The following NALF1 variants were observed in gnomAD, a reference collection of about 807,000 sequenced individuals.
The protein encoded by NALF1 is NALCN channel auxiliary factor 1.
Under a neutral mutation model 48.4 loss-of-function variants are expected in NALF1, and 3 were observed. The ratio of observed to expected loss-of-function variants is 0.06; its 90% confidence interval spans 0.03 to 0.16. The LOEUF is 0.16. Ranked by LOEUF, NALF1 falls within the 10% of genes least tolerant of loss-of-function variation. The probability of loss-of-function intolerance (pLI) is 1.00; values close to 1 mark genes in which losing one functional copy is unlikely to be tolerated. For missense variants in NALF1, 526 were observed against 571.5 expected (o/e 0.92, Z 0.81); for synonymous variants, 262 against 245.7 (o/e 1.07, Z -0.62).
chr13:107,687,037 C>T (rs745968933), intron 1 of NALF1, among the ~76,000 whole-genome samples: 4 of 152,148 alleles, frequency 2.6e-5, no homozygotes, highest in Non-Finnish European at 5.9e-5. Context: ...ATAACAAGAT[C>T]ACGGAATCAA....
At chr13:107,501,080 T>G (rs1424522280) in intron 1 of NALF1, among the ~76,000 whole-genome samples, 2 of 151,802 alleles carry the variant, frequency 1.3e-5, no homozygotes, top group Admixed American at 6.6e-5. Context: ...TGTGCACATG[T>G]ACCCTAAAAC....
rs899110285 is a variant in NALF1, at chr13:107,328,170, G to A, written c.916-117415C>T. Among the ~76,000 whole-genome samples the A allele has an allele frequency of 6.6e-5, 10 of 151,688 alleles. No individual in the cohort carries two copies. The South Asian group carries it at 8.3e-4, about 13-fold the overall frequency. On this transcript the variant is annotated intron_variant, in intron 1 of 2. Coordinates refer to ENST00000375915, the MANE Select transcript of NALF1 (RefSeq NM_001080396.3). ...TGAGCTCAAGGGATCTACCCACCTCGACCTCCCAAAGTGCTGGGATTACAG... is the reference window on the plus strand; with the variant it reads ...TGAGCTCAAGGGATCTACCCACCTCAACCTCCCAAAGTGCTGGGATTACAG...
At chr13:107,630,529 G>A (rs1879808566) in intron 1 of NALF1, among the ~76,000 whole-genome samples, 1 of 152,032 alleles carries the variant, frequency 6.6e-6, no homozygotes, top group South Asian at 2.1e-4. Context: ...GCCCCTAAAA[G>A]CAGAAATACT....
intron 1 of NALF1, among the ~76,000 whole-genome samples, chr13:107,834,303 G>A (rs1362972671): frequency 6.6e-6 from 1 of 152,072 alleles, no homozygotes; most frequent in Non-Finnish European, 1.5e-5. Context: ...GGACAACTGT[G>A]GTCAATTAGA....
At chr13:107,559,549 G>A (rs563387357) in intron 1 of NALF1, among the ~76,000 whole-genome samples, 1 of 152,266 alleles carries the variant, frequency 6.6e-6, no homozygotes, top group African/African-American at 2.4e-5. Flanking sequence ...GAGGAGGCAT[G>A]CGGTCTGCAG....
At chr13:107,811,956 G>A (rs986013360) in intron 1 of NALF1, among the ~76,000 whole-genome samples, 1 of 152,166 alleles carries the variant, frequency 6.6e-6, no homozygotes, top group Admixed American at 6.5e-5. Flanking sequence ...TTATTGATAT[G>A]CAGGGAAGTT....
At chr13:107,669,814 A>G (rs1451231230) in intron 1 of NALF1, among the ~76,000 whole-genome samples, 3 of 152,082 alleles carry the variant, frequency 2.0e-5, no homozygotes, top group Admixed American at 6.6e-5. Flanking sequence ...AACAAATGCA[A>G]CTGCCTAGAG....
chr13:107,463,701 T>C (rs1252438468), intron 1 of NALF1, among the ~76,000 whole-genome samples: 1 of 152,188 alleles, frequency 6.6e-6, no homozygotes, highest in Non-Finnish European at 1.5e-5. Flanking sequence ...GGACAGGTGT[T>C]TGTGGAGAGC....
chr13:107,400,442 G>A (rs983153764), intron 1 of NALF1, among the ~76,000 whole-genome samples: 10 of 152,176 alleles, frequency 6.6e-5, no homozygotes, highest in East Asian at 3.9e-4. Flanking sequence ...AAGGGTGGGC[G>A]TGATGGTTCA....
intron 1 of NALF1, among the ~76,000 whole-genome samples, chr13:107,480,261 T>C (rs1464439959): frequency 6.6e-6 from 1 of 152,170 alleles, no homozygotes; most frequent in Non-Finnish European, 1.5e-5. Flanking sequence ...AGGAGCTGAA[T>C]TGTGAAACTT....
chr13:107,693,422 G>A (rs1881618636), intron 1 of NALF1, among the ~76,000 whole-genome samples: 2 of 152,008 alleles, frequency 1.3e-5, no homozygotes, highest in Non-Finnish European at 2.9e-5. Context: ...GTATACTTAT[G>A]TAACAAACCT....
intron 1 of NALF1, among the ~76,000 whole-genome samples, chr13:107,558,930 G>A (rs1382338361): frequency 1.3e-5 from 2 of 152,112 alleles, no homozygotes; most frequent in African/African-American, 2.4e-5. Context: ...ACTCAGACTG[G>A]GACCACACCC....
intron 1 of NALF1, among the ~76,000 whole-genome samples, chr13:107,513,014 C>T (rs902241422): frequency 1.3e-5 from 2 of 152,148 alleles, no homozygotes; most frequent in Non-Finnish European, 2.9e-5. Context: ...TTACAATAGA[C>T]ATCAAAACAG....
At chr13:107,645,897 C>T (rs1441105240) in intron 1 of NALF1, among the ~76,000 whole-genome samples, 1 of 152,046 alleles carries the variant, frequency 6.6e-6, no homozygotes, top group East Asian at 1.9e-4. Flanking sequence ...GGTTTTTGCT[C>T]CCAAACTCCA....
chr13:107,373,899 T>C (rs1480948673), intron 1 of NALF1, among the ~76,000 whole-genome samples: 1 of 152,184 alleles, frequency 6.6e-6, no homozygotes, highest in Admixed American at 6.6e-5. Flanking sequence ...GTTACATTCA[T>C]TGAAAAAATT....
At chr13:107,312,350 C>G (rs1351667942) in intron 1 of NALF1, among the ~76,000 whole-genome samples, 1 of 151,846 alleles carries the variant, frequency 6.6e-6, no homozygotes, top group African/African-American at 2.4e-5. Context: ...CATGTTCTCA[C>G]TCATAGGTGG....
At chr13:107,759,919 C>A (rs1258238321) in intron 1 of NALF1, among the ~76,000 whole-genome samples, 1 of 151,994 alleles carries the variant, frequency 6.6e-6, no homozygotes, top group Non-Finnish European at 1.5e-5. Flanking sequence ...CTTCAGGGTA[C>A]GTGAAACCAG....
chr13:107,672,172 T>C (rs1204174514), intron 1 of NALF1, among the ~76,000 whole-genome samples: 1 of 152,190 alleles, frequency 6.6e-6, no homozygotes, highest in Non-Finnish European at 1.5e-5. Flanking sequence ...CTATGAAGCA[T>C]CTTTAAGCCT....
rs1027233256 is a variant in NALF1 at position 107,866,728 on chromosome 13, T to C, written c.-132A>G. ...CCGTTTCTTCTCTCTCCTCTCTCTC[T>C]TTCTCTCTCTTCCCCTCTCCCTCTC... On this transcript the variant is annotated 5_prime_UTR_variant, in exon 1 of 3. Transcript: ENST00000375915. The surrounding 1 kb of genome is among the most constrained non-coding windows in gnomAD (Gnocchi z 4.4). 1 of 664,780 alleles carries C rather than the reference T, an allele frequency of 1.5e-6. No individual in the cohort carries two copies. Among genetic ancestry groups the C allele is most frequent in the Non-Finnish European group, 2.5e-6 (1 of 393,934 alleles). The allele number at this position is 664,780 out of a possible 1,614,324, so 41.2% of individuals were successfully genotyped here. A position where few individuals can be genotyped will look rare whatever the true frequency, so the allele number is the denominator to read the frequency against.
Sources: gnomAD v4.1 joint callset for allele counts (sites outside exome capture counted in the v4.1 genomes callset) on GRCh38, gnomAD v4.1.1 for gene constraint, Gnocchi (gnomAD v3.1) non-coding constraint, MANE v1.5 for transcripts, NCBI Gene and HGNC (gene_info 2026-07-23, HGNC 2026-07-21) for gene names.